The following COL27A1 variants were observed in gnomAD, a reference collection of about 807,000 sequenced individuals.
COL27A1 encodes collagen type XXVII alpha 1 chain.
A neutral mutation model predicts 251.3 loss-of-function variants in COL27A1; 106 were observed. The ratio of observed to expected loss-of-function variants is 0.42; its 90% confidence interval spans 0.36 to 0.50. The LOEUF (loss-of-function observed/expected upper bound fraction) is 0.50. COL27A1 is among the 20% of genes least tolerant of loss of function. COL27A1 has a pLI of 0.00. For synonymous variants in COL27A1, 1,000 were observed against 986.3 expected (o/e 1.01, Z -0.26); for missense variants, 2,325 against 2,522.8 (o/e 0.92, Z 1.68).
rs760134160 is a variant in COL27A1 at position 114,252,950 on chromosome 9, G to T, written c.3141+18G>T. On this transcript the variant is annotated intron_variant, in intron 27 of 60. Transcript: ENST00000356083. ...GACCCCAGGTAAGCAAAGCCCTCGT[G>T]ATCCCTAAGCTCAAACCACTGTCAG... 3 of 1,606,840 alleles carry T rather than the reference G, an allele frequency of 1.9e-6. No individual in the cohort carries two copies. Among genetic ancestry groups the T allele is most frequent in the Admixed American group, 3.4e-5 (2 of 59,644 alleles).
intron 1 of COL27A1, among the ~76,000 whole-genome samples, chr9:114,156,577 C>A (rs1848136388): frequency 6.6e-6 from 1 of 152,050 alleles, no homozygotes; most frequent in African/African-American, 2.4e-5. Flanking sequence ...GTCTGTGTGT[C>A]TGTGTTTCCT....
chr9:114,256,350 G>A (rs62555398), intron 27 of COL27A1, among the ~76,000 whole-genome samples: 3,579 of 152,266 alleles, frequency 0.024, 66 homozygotes, highest in Non-Finnish European at 0.037. Flanking sequence ...AAAATTAGCC[G>A]GGCATGGCGG....
intron 27 of COL27A1, among the ~76,000 whole-genome samples, chr9:114,257,675 C>T (rs1228879000): frequency 1.3e-5 from 2 of 152,152 alleles, no homozygotes; most frequent in African/African-American, 4.8e-5. Context: ...TCTGCCTCCC[C>T]TCTCCTTCTC....
At chr9:114,238,177 G>A (rs1832525582) in intron 19 of COL27A1, among the ~76,000 whole-genome samples, 2 of 152,230 alleles carry the variant, frequency 1.3e-5, no homozygotes, top group South Asian at 4.1e-4. Flanking sequence ...TGAAGAATGA[G>A]AAATAAGGAT....
intron 25 of COL27A1, among the ~76,000 whole-genome samples, chr9:114,251,215 C>A (rs990215510): frequency 1.3e-5 from 2 of 152,148 alleles, no homozygotes; most frequent in Non-Finnish European, 2.9e-5. Flanking sequence ...CACTTGTCTT[C>A]CTTTGTATGG....
chr9:114,229,268 T>C (rs1295769865), intron 14 of COL27A1, among the ~76,000 whole-genome samples: 1 of 152,200 alleles, frequency 6.6e-6, no homozygotes, highest in Non-Finnish European at 1.5e-5. Flanking sequence ...ACTCCAGTTG[T>C]TCTGGGGTTG....
chr9:114,178,848 G>A (rs1007526196), intron 4 of COL27A1, among the ~76,000 whole-genome samples: 2 of 152,224 alleles, frequency 1.3e-5, no homozygotes, highest in Non-Finnish European at 2.9e-5. Context: ...GCCCAAGCCC[G>A]AGAGGGAAAA....
intron 45 of COL27A1, among the ~76,000 whole-genome samples, chr9:114,289,764 C>T (rs1191172616): frequency 6.6e-6 from 1 of 152,092 alleles, no homozygotes; most frequent in Non-Finnish European, 1.5e-5. Flanking sequence ...CACCTGCCTG[C>T]CTCGGTGATA....
At chr9:114,167,585 T>G (rs573746788) in intron 2 of COL27A1, 104 bp from the exon 3 acceptor site, 1 of 919,696 alleles carries the variant, frequency 1.1e-6, no homozygotes, top group African/African-American at 1.6e-5. Flanking sequence ...ACCAGGTAGC[T>G]GTGGGTGGAC....
chr9:114,269,856 G>A (rs2135628138), intron 35 of COL27A1, among the ~76,000 whole-genome samples: 1 of 152,274 alleles, frequency 6.6e-6, no homozygotes, highest in Non-Finnish European at 1.5e-5. Flanking sequence ...GCACATCGTT[G>A]CCATCCTGCA....
In COL27A1 at chr9:114,219,839, A is replaced by C. The variant is rs202238900; in HGVS notation, c.2416A>C (p.Asn806His). The C allele has an allele frequency of 3.7e-6, 6 of 1,608,182 alleles. No homozygotes were observed. The highest frequency in any genetic ancestry group is 5.1e-6 in the Non-Finnish European group (6 of 1,174,720). Residue 806 changes from asparagine to histidine, a missense_variant, in exon 13 of 61, where the codon AAT becomes CAT. Around this residue, in one of 4 missense-constraint regions of COL27A1, gnomAD observed 1,183 missense variants for 1,144.1 expected, o/e 1.03. Transcript: ENST00000356083. ...AAGAGGCCCTCCTGGACTGGATGGA[A>C]ATCCTGTGAGTATTTCAAGTCTTTG... ...GERGPPGLDG[N>H]PGELGLPGPP...
At chr9:114,240,142 A>T (rs539162102) in intron 19 of COL27A1, 78 bp from the exon 20 acceptor site, 1 of 1,285,268 alleles carries the variant, frequency 7.8e-7, no homozygotes, top group East Asian at 2.3e-5. Flanking sequence ...AAACCCGGTC[A>T]GTCTCCCTGC....
At chr9:114,161,661 T>C (rs1002975999) in intron 1 of COL27A1, among the ~76,000 whole-genome samples, 2 of 152,230 alleles carry the variant, frequency 1.3e-5, no homozygotes, top group East Asian at 3.8e-4. Context: ...ACCACCCACC[T>C]GACACAGCTC....
At chr9:114,286,199 TG>T (rs202187737) in intron 41 of COL27A1, among the ~76,000 whole-genome samples, 2,778 of 152,286 alleles carry the variant, frequency 0.018, 83 homozygotes, top group African/African-American at 0.063. Flanking sequence ...CCCCGCAAGC[TG>T]GACGGTGCTA....
chr9:114,155,979 G>A lies in COL27A1; in HGVS notation c.29G>A (p.Arg10Gln), dbSNP rs955216939. The change falls in exon 1 of 61, where the codon CGA becomes CAA. Residue 10 changes from arginine to glutamine, a missense_variant. Physicochemically the swap from Arg to Gln is conservative, Grantham distance 43 (BLOSUM62 1). Transcript: ENST00000356083. This position sits in a 1 kb window ranked among gnomAD's most constrained non-coding sequence, Gnocchi z 5.5. MGAGSARGA[R>Q]GTAAAAAARG... ...GGAGCGGGATCGGCGCGGGGGGCCCGAGGCACAGCGGCGGCGGCGGCGGCG... is the reference window on the plus strand; with the variant it reads ...GGAGCGGGATCGGCGCGGGGGGCCCAAGGCACAGCGGCGGCGGCGGCGGCG... 13 of 1,293,916 alleles carry A rather than the reference G, an allele frequency of 1.0e-5. No individual in the cohort carries two copies. The highest frequency in any genetic ancestry group is 1.2e-5 in the Non-Finnish European group (12 of 1,018,224). 80.2% of individuals were successfully genotyped at this position (1,293,916 alleles called of 1,614,324 possible).
At chr9:114,256,411 T>C (rs1833923564) in intron 27 of COL27A1, among the ~76,000 whole-genome samples, 2 of 152,194 alleles carry the variant, frequency 1.3e-5, no homozygotes. Flanking sequence ...GAGAATGGTG[T>C]GAACCTGGGA....
Position 114,265,441 on chromosome 9 carries a change from G to A in COL27A1, c.3359G>A (p.Gly1120Asp). ...RGFPGIPGPS[G>D]PPGTKGLPGE... Reference sequence around the variant, plus strand: ...CTGCAGGGCATCCCGGGTCCCTCAGGCCCCCCAGGCACCAAGGGCCTCCCA... The same window carrying A: ...CTGCAGGGCATCCCGGGTCCCTCAGACCCCCCAGGCACCAAGGGCCTCCCA... The change falls in exon 32 of 61, where the codon GGC becomes GAC. Residue 1120 changes from glycine to aspartate, a missense_variant. Physicochemically the swap from Gly to Asp is moderately conservative, Grantham distance 94. This residue lies in a region of COL27A1 where 662 missense variants were observed against 795.3 expected (regional missense o/e 0.83). Coordinates refer to ENST00000356083, the MANE Select transcript of COL27A1 (RefSeq NM_032888.4). 1.2e-6 allele frequency: 2 copies of A among 1,613,842 alleles called. No homozygotes were observed. The highest frequency in any genetic ancestry group is 1.7e-6 in the Non-Finnish European group (2 of 1,179,924).
rs555379997 is a variant in COL27A1 at position 114,196,037 on chromosome 9, C to T, written c.2124+25C>T. 3.1e-6 allele frequency: 5 copies of T among 1,610,756 alleles called. No individual in the cohort carries two copies. The East Asian group carries it at 1.1e-4, about 36-fold the overall frequency. On this transcript the variant is annotated intron_variant, in intron 7 of 60. Transcript: ENST00000356083. The stretch of plus-strand genomic sequence containing the variant: ...GGTACTGTTTGGTTTTGATGCTTTG[C>T]CTTGCGCAGTGGGCCTCCTAGCAAG...
intron 44 of COL27A1, 38 bp from the exon 45 acceptor site, chr9:114,289,204 C>T (rs1396680604): frequency 2.4e-5 from 34 of 1,402,674 alleles, no homozygotes; most frequent in African/African-American, 4.4e-5. Context: ...GGGAGAGAAT[C>T]CTGGGGCTGC....
Sources: gnomAD v4.1 joint callset for allele counts (sites outside exome capture counted in the v4.1 genomes callset) on GRCh38, gnomAD v4.1.1 for gene constraint, gnomAD v4.1.1 regional missense constraint, Gnocchi (gnomAD v3.1) non-coding constraint, MANE v1.5 for transcripts, NCBI Gene and HGNC (gene_info 2026-07-23, HGNC 2026-07-21) for gene names.